The following CTCFL variants were observed in gnomAD, a reference collection of about 807,000 sequenced individuals.
The protein encoded by CTCFL is CCCTC-binding factor like.
A neutral mutation model predicts 67.4 loss-of-function variants in CTCFL; 36 were observed. That is an observed-to-expected ratio of 0.53 (90% CI 0.41 to 0.71). The LOEUF is 0.71. Among genes scored for constraint, CTCFL ranks in the 30% least tolerant of loss-of-function variants. The probability of loss-of-function intolerance (pLI) is 0.00; values close to 1 mark genes in which losing one functional copy is unlikely to be tolerated. For missense variants in CTCFL, 786 were observed against 835.2 expected, an observed-to-expected ratio of 0.94 and a Z score of 0.73; for synonymous variants, 324 against 302.3, an observed-to-expected ratio of 1.07 and a Z score of -0.75.
Position 57,508,763 on chromosome 20 carries a change from C to T in CTCFL, c.1517G>A (p.Arg506His), listed in dbSNP as rs755537284. 1.5e-5 allele frequency: 24 copies of T among 1,613,946 alleles called. No individual in the cohort carries two copies. The highest frequency in any genetic ancestry group is 9.3e-5 in the African/African-American group (7 of 74,890). ...GAATGGTTTCTCTCCAGTGTGGGTA[C>T]GAATGTGAGCGGTCATATGACGTTC... The part of the protein sequence containing the change: ...KQERHMTAHI[R>H]THTGEKPFTC... Residue 506 changes from arginine (R) to histidine (H), a missense_variant, in exon 9 of 11, where the codon CGT becomes CAT. Physicochemically the swap from Arg to His is conservative, Grantham distance 29 (BLOSUM62 0). Transcript: ENST00000243914.
downstream of CTCFL, among the ~76,000 whole-genome samples, chr20:57,496,976 G>T (rs1433816588): frequency 6.6e-6 from 1 of 151,422 alleles, no homozygotes; most frequent in Non-Finnish European, 1.5e-5. Flanking sequence ...CTGGAAGTGG[G>T]ATTGGTGGGT....
chr20:57,522,991 A>G (rs2069500911), intron 3 of CTCFL, 77 bp downstream of exon 3: 6 of 1,177,826 alleles, frequency 5.1e-6, no homozygotes, highest in Non-Finnish European at 7.3e-6. Flanking sequence ...TTAAAACTTC[A>G]ATTACCATCA....
chr20:57,511,845 G>A (rs6015017), intron 8 of CTCFL, among the ~76,000 whole-genome samples: 75 of 152,146 alleles, frequency 4.9e-4, no homozygotes, highest in African/African-American at 1.7e-3. Flanking sequence ...CACATGCCTC[G>A]GCCTCCCAAA....
intron 9 of CTCFL, 54 bp from the exon 10 acceptor site, chr20:57,503,655 C>G: frequency 5.1e-6 from 8 of 1,578,958 alleles, no homozygotes; most frequent in Non-Finnish European, 6.9e-6. Context: ...GGCAGGGACC[C>G]CTCTCAGGGG....
chr20:57,498,455 T>C lies in CTCFL; in HGVS notation c.*95A>G, dbSNP rs1321834680. ...ATGCAACCTGACTCTCTCTCACTTA[T>C]CCATCGTGTTGAGGAGCATTTCACA... is the stretch of plus-strand genomic sequence containing the variant. On this transcript the variant is annotated 3_prime_UTR_variant, in exon 11 of 11. Transcript: ENST00000243914. The C allele has an allele frequency of 1.3e-6, 2 of 1,507,276 alleles. No homozygotes were observed. The highest frequency in any genetic ancestry group is 1.8e-6 in the Non-Finnish European group (2 of 1,126,142). 93.4% of individuals were successfully genotyped at this position (1,507,276 alleles called of 1,614,324 possible). A position where few individuals can be genotyped will look rare whatever the true frequency, so the allele number is the denominator to read the frequency against.
Position 57,505,316 on chromosome 20 carries a change from C to T in CTCFL, c.1675-1715G>A, listed in dbSNP as rs918358776. Among the ~76,000 whole-genome samples, 17 of 151,696 alleles carry T rather than the reference C, an allele frequency of 1.1e-4. No homozygotes were observed. In the South Asian group the frequency reaches 2.5e-3, roughly 22 times the overall value. On this transcript the variant is annotated intron_variant, in intron 9 of 10. Transcript: ENST00000243914. ...TTTCGTCTAGGCTGGAGTGCAGTGG[C>T]ACGATCTCTGCTCACTGCAAGCTCC...
chr20:57,496,278 C>T (rs140073615), downstream of CTCFL: 63 of 695,296 alleles, frequency 9.1e-5, no homozygotes, highest in African/African-American at 3.3e-4. Context: ...ACTCCCTCTT[C>T]GCCTTCTGCC....
intron 2 of CTCFL, 121 bp downstream of exon 2, chr20:57,523,542 G>A: frequency 7.4e-7 from 1 of 1,352,218 alleles, no homozygotes; most frequent in East Asian, 2.3e-5. Flanking sequence ...TTCCTGGGAA[G>A]TATTTGTACT....
intron 2 of CTCFL, 40 bp downstream of exon 2, chr20:57,523,623 C>G (rs777298846): frequency 1.9e-6 from 3 of 1,566,762 alleles, no homozygotes; most frequent in Admixed American, 3.9e-5. Context: ...TGAATTTTTT[C>G]TTTTTCATGT....
At position 57,510,762 on chromosome 20, in the gene CTCFL, C is replaced by A. The variant is rs1397015423; in HGVS notation, c.1491+1830G>T. ...CCTGTAGTCCCAGCTACTCAGGAGGCTGAGGCAGGAGAATGGCGTGAACCC... is the reference window on the plus strand; with the variant it reads ...CCTGTAGTCCCAGCTACTCAGGAGGATGAGGCAGGAGAATGGCGTGAACCC... On this transcript the variant is annotated intron_variant, in intron 8 of 10. Coordinates refer to ENST00000243914, the MANE Select transcript of CTCFL (RefSeq NM_001386993.1). 6.6e-5 allele frequency among the ~76,000 whole-genome samples: 10 copies of A among 152,290 alleles called. 1 individual carries two copies. Among genetic ancestry groups the A allele is most frequent in the African/African-American group, 2.4e-4 (10 of 41,564 alleles).
intron 1 of CTCFL, 31 bp from the exon 2 acceptor site, chr20:57,524,247 A>C: frequency 3.3e-6 from 5 of 1,517,088 alleles, no homozygotes; most frequent in East Asian, 5.1e-5. Flanking sequence ...CGGTTTCCAT[A>C]GGGGGGAGAA....
intron 9 of CTCFL, among the ~76,000 whole-genome samples, chr20:57,506,240 C>T (rs1043863578): frequency 3.9e-5 from 6 of 152,222 alleles, no homozygotes; most frequent in Non-Finnish European, 5.9e-5. Context: ...TGATTAATGA[C>T]GCTACGCTTA....
At position 57,512,573 on chromosome 20, in the gene CTCFL, A is replaced by G; in HGVS notation, c.1491+19T>C. 6.2e-7 allele frequency: 1 copy of G among 1,610,288 alleles called. No homozygotes were observed. The highest frequency in any genetic ancestry group is 1.7e-5 in the Admixed American group (1 of 59,942). On this transcript the variant is annotated intron_variant, in intron 8 of 10. Coordinates refer to ENST00000243914, the MANE Select transcript of CTCFL (RefSeq NM_001386993.1). ...CTTCCATACACCACTGCCTCTCCAAATTAAGTAAAGTACAATACCTGCTTG... is the reference window on the plus strand; with the variant it reads ...CTTCCATACACCACTGCCTCTCCAAGTTAAGTAAAGTACAATACCTGCTTG...
intron 1 of CTCFL, 199 bp from the exon 2 acceptor site, chr20:57,524,415 C>T: frequency 7.1e-7 from 1 of 1,413,514 alleles, no homozygotes; most frequent in Non-Finnish European, 9.2e-7. Context: ...AGGATTTAGG[C>T]TAAAGCAGGA....
At position 57,524,020 on chromosome 20, in the gene CTCFL, C is replaced by G. The variant is rs760143688; in HGVS notation, c.186G>C (p.Glu62Asp). 1.2e-6 allele frequency: 2 copies of G among 1,613,398 alleles called. No individual in the cohort carries two copies. Among genetic ancestry groups the G allele is most frequent in the Non-Finnish European group, 1.7e-6 (2 of 1,179,992 alleles). ...TSGAFQDSVL[E>D]EEVELVLAPS... is the part of the protein sequence containing the mutation. ...GGGCCAGCACCAGCTCCACTTCTTC[C>G]TCCAGGACGCTGTCCTGGAAGGCCC... The change falls in exon 2 of 11, where the codon GAG (glutamate) becomes GAC (aspartate). Residue 62 changes from glutamate (E) to aspartate (D), a missense_variant. Glu to Asp is a conservative substitution (Grantham distance 45). This residue lies in a region of CTCFL where 333 missense variants were observed against 304.6 expected (regional missense o/e 1.09). Transcript: ENST00000243914.
chr20:57,513,308 G>A, intron 7 of CTCFL: 1 of 985,904 alleles, frequency 1.0e-6, no homozygotes, highest in South Asian at 4.7e-5. Context: ...TGAGACACAT[G>A]GTAAGGTCTG....
chr20:57,509,892 A>G (rs1301137352), intron 8 of CTCFL, among the ~76,000 whole-genome samples: 2 of 152,142 alleles, frequency 1.3e-5, no homozygotes, highest in Non-Finnish European at 2.9e-5. Context: ...CAGTGCTCCA[A>G]GCCTCTGCCC....
chr20:57,508,829 G>C (rs528127737), intron 8 of CTCFL, 41 bp from the exon 9 acceptor site: 16 of 1,568,634 alleles, frequency 1.0e-5, no homozygotes, highest in African/African-American at 1.4e-5. Context: ...CTAGTTCAAA[G>C]GGTTTTCTCG....
At chr20:57,507,342 C>G in intron 9 of CTCFL, 1 of 517,402 alleles carries the variant, frequency 1.9e-6, no homozygotes, top group Non-Finnish European at 3.5e-6. Context: ...CAAGCGTGCA[C>G]TACCACGCCT....
Sources: gnomAD v4.1 joint callset for allele counts (sites outside exome capture counted in the v4.1 genomes callset) on GRCh38, gnomAD v4.1.1 for gene constraint, gnomAD v4.1.1 regional missense constraint, MANE v1.5 for transcripts, NCBI Gene and HGNC (gene_info 2026-07-23, HGNC 2026-07-21) for gene names.